The following GRIK1 variants were observed in gnomAD, a reference collection of about 807,000 sequenced individuals.
The protein encoded by GRIK1 is glutamate ionotropic receptor kainate type subunit 1.
A neutral mutation model predicts 105.7 loss-of-function variants in GRIK1; 69 were observed. The observed-to-expected ratio is 0.65, with a 90% CI of 0.54 to 0.80. GRIK1 has a LOEUF of 0.80. Among genes scored for constraint, GRIK1 ranks in the 30% least tolerant of loss-of-function variants. The pLI, the probability that GRIK1 is intolerant of heterozygous loss-of-function variation, is 0.00. For missense variants in GRIK1, 1,109 were observed against 1,167.3 expected, an observed-to-expected ratio of 0.95 and a Z score of 0.73; for synonymous variants, 438 against 431.3, an observed-to-expected ratio of 1.02 and a Z score of -0.19.
At chr21:29,930,475 T>C (rs1197424751) in intron 1 of GRIK1, among the ~76,000 whole-genome samples, 1 of 152,152 alleles carries the variant, frequency 6.6e-6, no homozygotes, top group Non-Finnish European at 1.5e-5. Context: ...TTATGAAGTG[T>C]TTTTTTCCCC....
At chr21:29,854,657 T>G (rs1044643223) in intron 1 of GRIK1, among the ~76,000 whole-genome samples, 2 of 152,092 alleles carry the variant, frequency 1.3e-5, no homozygotes, top group Non-Finnish European at 2.9e-5. Flanking sequence ...TCAGGAAATA[T>G]CATATATAAA....
At chr21:29,854,441 C>T (rs1318888378) in intron 1 of GRIK1, among the ~76,000 whole-genome samples, 3 of 152,014 alleles carry the variant, frequency 2.0e-5, no homozygotes, top group African/African-American at 7.2e-5. Flanking sequence ...CTTTCAAACA[C>T]TTGGCAGATG....
At chr21:29,683,848 G>A (rs1446035695) in intron 3 of GRIK1, among the ~76,000 whole-genome samples, 1 of 152,184 alleles carries the variant, frequency 6.6e-6, no homozygotes, top group African/African-American at 2.4e-5. Flanking sequence ...TAATGATGGG[G>A]TTCAGCACAG....
chr21:29,858,026 G>T (rs1441381491), intron 1 of GRIK1, among the ~76,000 whole-genome samples: 1 of 152,116 alleles, frequency 6.6e-6, no homozygotes, highest in Non-Finnish European at 1.5e-5. Flanking sequence ...CAGCCCCGCC[G>T]AGTAGCTGGG....
chr21:29,916,763 G>T (rs574425771), intron 1 of GRIK1, among the ~76,000 whole-genome samples: 14 of 151,966 alleles, frequency 9.2e-5, no homozygotes, highest in African/African-American at 3.1e-4. Context: ...AAATATCACT[G>T]GGTTTAATAC....
chr21:29,553,743 T>C (rs767352350), intron 16 of GRIK1: 2 of 1,379,966 alleles, frequency 1.4e-6, no homozygotes, highest in Non-Finnish European at 2.0e-6. Context: ...TATAGAAAAA[T>C]GAATAAATCA....
chr21:29,798,553 G>A (rs1015527085), intron 1 of GRIK1, among the ~76,000 whole-genome samples: 1 of 152,060 alleles, frequency 6.6e-6, no homozygotes. Flanking sequence ...TCTTAACATT[G>A]TATCACATTA....
At chr21:29,593,352 C>T (rs1032521691) in intron 9 of GRIK1, among the ~76,000 whole-genome samples, 4 of 152,140 alleles carry the variant, frequency 2.6e-5, no homozygotes, top group South Asian at 2.1e-4. Flanking sequence ...GCACATTATA[C>T]GTCTAATGGT....
At chr21:29,591,364 C>T (rs764821061) in intron 9 of GRIK1, 139 bp from the exon 10 acceptor site, 36 of 675,910 alleles carry the variant, frequency 5.3e-5, no homozygotes, top group Admixed American at 5.3e-4. Context: ...AGCTACTAAA[C>T]GTGGGGAAAT....
intron 2 of GRIK1, among the ~76,000 whole-genome samples, chr21:29,692,470 G>A (rs1166758252): frequency 6.6e-6 from 1 of 152,182 alleles, no homozygotes; most frequent in African/African-American, 2.4e-5. Flanking sequence ...TTTGTCCATA[G>A]ACAATTTTGA....
intron 1 of GRIK1, among the ~76,000 whole-genome samples, chr21:29,705,859 CTTTCT>C (rs1252480109): frequency 9.7e-4 from 143 of 148,066 alleles, no homozygotes; most frequent in African/African-American, 3.1e-3. Context: ...ATATTTTTTT[CTTTCT>C]TTTCTTTTCT....
intron 15 of GRIK1, among the ~76,000 whole-genome samples, chr21:29,560,386 TTCCTTCCTTC>T (rs2090403426): frequency 4.8e-5 from 4 of 83,424 alleles, no homozygotes. Flanking sequence ...CCTTCCTTCC[TTCCTTCCTTC>T]CTTCCTTTCT....
chr21:29,697,760 C>G (rs369393887), intron 1 of GRIK1, among the ~76,000 whole-genome samples: 1 of 152,116 alleles, frequency 6.6e-6, no homozygotes, highest in African/African-American at 2.4e-5. Flanking sequence ...TACAACAAAA[C>G]GAGATGTAGA....
At chr21:29,566,692 G>A (rs1031928531) in intron 14 of GRIK1, among the ~76,000 whole-genome samples, 1 of 152,116 alleles carries the variant, frequency 6.6e-6, no homozygotes, top group African/African-American at 2.4e-5. Context: ...TATTTACTGT[G>A]TAGCAAGCAC....
chr21:29,806,338 T>G (rs1376008540), intron 1 of GRIK1, among the ~76,000 whole-genome samples: 2 of 152,064 alleles, frequency 1.3e-5, no homozygotes, highest in African/African-American at 2.4e-5. Flanking sequence ...AAACCAATTA[T>G]CCAATTAAGT....
rs2061478570 is a variant in GRIK1 at position 29,599,520 on chromosome 21, G to A, written c.1099-583C>T. On this transcript the variant is annotated intron_variant, in intron 7 of 17. Transcript: ENST00000327783. Reference sequence around the variant, plus strand: ...TATGGAGGCCTGAAATCCAAAATCAGTGTTAACTGGGTGGAATTAATGTGT... The same window carrying A: ...TATGGAGGCCTGAAATCCAAAATCAATGTTAACTGGGTGGAATTAATGTGT... 4.6e-5 allele frequency among the ~76,000 whole-genome samples: 7 copies of A among 152,198 alleles called. No homozygotes were observed. In the South Asian group the frequency reaches 1.4e-3, roughly 32 times the overall value.
intron 1 of GRIK1, among the ~76,000 whole-genome samples, chr21:29,804,924 T>C (rs2066823441): frequency 6.6e-6 from 1 of 152,158 alleles, no homozygotes; most frequent in Admixed American, 6.6e-5. Flanking sequence ...ACTATTATTA[T>C]CCCCATTTTA....
At chr21:29,832,628 C>G (rs928869000) in intron 1 of GRIK1, among the ~76,000 whole-genome samples, 7 of 152,150 alleles carry the variant, frequency 4.6e-5, no homozygotes, top group African/African-American at 1.7e-4. Context: ...ATGGCTGGAG[C>G]TGGAGCTGCT....
intron 6 of GRIK1, among the ~76,000 whole-genome samples, chr21:29,650,485 A>T (rs191549676): frequency 6.6e-6 from 1 of 152,326 alleles, no homozygotes; most frequent in East Asian, 1.9e-4. Flanking sequence ...GGTGCATTTG[A>T]CAAGAGACAA....
Sources: allele counts gnomAD v4.1 joint callset (sites outside exome capture counted in the v4.1 genomes callset), GRCh38; gene constraint gnomAD v4.1.1; transcripts MANE v1.5; gene names NCBI Gene and HGNC (gene_info 2026-07-23, HGNC 2026-07-21).